Variants in VAT1L observed in about 807,000 individuals in gnomAD.
The protein encoded by VAT1L is vesicle amine transport 1 like, also known as putative NADPH-dependent quinone oxidoreductase VAT1L.
A neutral mutation model predicts 44.1 loss-of-function variants in VAT1L; 34 were observed. The observed-to-expected ratio is 0.77, with a 90% CI of 0.59 to 1.03. The LOEUF (loss-of-function observed/expected upper bound fraction) is 1.03. Among genes scored for constraint, VAT1L ranks in the 50% least tolerant of loss-of-function variants. VAT1L has a pLI of 0.00. For synonymous variants in VAT1L, 253 were observed against 202.2 expected, an observed-to-expected ratio of 1.25 and a Z score of -2.13; for missense variants, 615 against 538.8, an observed-to-expected ratio of 1.14 and a Z score of -1.40.
chr16:77,837,824 G>A (rs1353350176), intron 3 of VAT1L, among the ~76,000 whole-genome samples: 2 of 152,156 alleles, frequency 1.3e-5, no homozygotes, highest in African/African-American at 4.8e-5. Context: ...GTCTTGTAAT[G>A]GACTTAGATG....
chr16:77,828,418 C>T (rs1373092223), intron 3 of VAT1L, among the ~76,000 whole-genome samples: 1 of 152,058 alleles, frequency 6.6e-6, no homozygotes, highest in Non-Finnish European at 1.5e-5. Context: ...AATCCCAGCA[C>T]TTTGGGAGGC....
At chr16:77,898,734 T>C (rs1042362666) in intron 7 of VAT1L, among the ~76,000 whole-genome samples, 2 of 152,196 alleles carry the variant, frequency 1.3e-5, no homozygotes, top group Non-Finnish European at 2.9e-5. Flanking sequence ...CAGAGCTGGT[T>C]TCCTCCCTGA....
At chr16:77,920,221 CT>C (rs918178375) in intron 7 of VAT1L, among the ~76,000 whole-genome samples, 6 of 152,178 alleles carry the variant, frequency 3.9e-5, no homozygotes, top group African/African-American at 1.4e-4. Context: ...TCCCTGGAAA[CT>C]TTTGCTTTTC....
At chr16:77,862,663 G>A in intron 3 of VAT1L, 85 bp from the exon 4 acceptor site, 1 of 1,147,314 alleles carries the variant, frequency 8.7e-7, no homozygotes, top group African/African-American at 1.6e-5. Context: ...TAGTGCCGAT[G>A]GAGAAATCCT....
intron 7 of VAT1L, among the ~76,000 whole-genome samples, chr16:77,925,042 G>A (rs1208309304): frequency 6.6e-6 from 1 of 152,090 alleles, no homozygotes; most frequent in Non-Finnish European, 1.5e-5. Flanking sequence ...TGAGAACATG[G>A]GTGGTCCGTT....
At chr16:77,796,579 G>A (rs752015422) in intron 1 of VAT1L, among the ~76,000 whole-genome samples, 9 of 152,322 alleles carry the variant, frequency 5.9e-5, no homozygotes, top group Admixed American at 2.0e-4. Flanking sequence ...CTTTGTTAAT[G>A]ATATGCACTT....
At chr16:77,949,980 A>G (rs1468868927) in intron 7 of VAT1L, among the ~76,000 whole-genome samples, 1 of 152,136 alleles carries the variant, frequency 6.6e-6, no homozygotes, top group Non-Finnish European at 1.5e-5. Context: ...TGTACCCTTA[A>G]GTTTTCCCTC....
intron 1 of VAT1L, among the ~76,000 whole-genome samples, chr16:77,814,893 C>T (rs1009122582): frequency 3.3e-5 from 5 of 152,134 alleles, no homozygotes; most frequent in African/African-American, 9.7e-5. Context: ...GCCTTCTTAA[C>T]GGAAGATGCA....
rs550617874 is a variant in VAT1L at position 77,934,344 on chromosome 16, G to A, written c.1078-37506G>A. ...AAGATGACCCTGTTCTAATCCCTTG[G>A]ACCTGTCAATATATTACTTTGCATG... is the stretch of plus-strand genomic sequence containing the variant. On this transcript the variant is annotated intron_variant, in intron 7 of 8. Transcript: ENST00000302536. 3.3e-5 allele frequency among the ~76,000 whole-genome samples: 5 copies of A among 152,052 alleles called. No individual in the cohort carries two copies. In the South Asian group the frequency reaches 1.0e-3, roughly 32 times the overall value.
At position 77,900,253 on chromosome 16, in the gene VAT1L, A is replaced by C. The variant is rs186147568; in HGVS notation, c.1077+15451A>C. ...CCACATTCCTTATTCCGGAGATCAT[A>C]TGAGTATTTGTGTGTCTGCATATAT... is the stretch of plus-strand genomic sequence containing the variant. On this transcript the variant is annotated intron_variant, in intron 7 of 8. Coordinates refer to ENST00000302536, the MANE Select transcript of VAT1L (RefSeq NM_020927.3). Among the ~76,000 whole-genome samples the C allele has an allele frequency of 4.2e-3, 647 of 152,298 alleles. 2 individuals carry two copies. Among genetic ancestry groups the C allele is most frequent in the Non-Finnish European group, 6.5e-3 (445 of 68,038 alleles).
chr16:77,967,746 G>C (rs1382370095), intron 7 of VAT1L, among the ~76,000 whole-genome samples: 1 of 152,184 alleles, frequency 6.6e-6, no homozygotes, highest in Non-Finnish European at 1.5e-5. Flanking sequence ...TCTTACTGGA[G>C]AGGCAGCTTA....
intron 7 of VAT1L, among the ~76,000 whole-genome samples, chr16:77,940,340 GTTTTT>G (rs66546770): frequency 2.7e-5 from 3 of 112,520 alleles, no homozygotes; most frequent in African/African-American, 6.7e-5. Flanking sequence ...ATACCACTTG[GTTTTT>G]TTTTTTTTTT....
At chr16:77,810,175 G>A (rs2145226762) in intron 1 of VAT1L, among the ~76,000 whole-genome samples, 1 of 152,238 alleles carries the variant, frequency 6.6e-6, no homozygotes, top group South Asian at 2.1e-4. Flanking sequence ...CATTTAATTT[G>A]TACTCTGTCT....
intron 7 of VAT1L, among the ~76,000 whole-genome samples, chr16:77,913,537 G>A (rs1051132348): frequency 1.3e-5 from 2 of 151,534 alleles, no homozygotes; most frequent in African/African-American, 4.9e-5. Flanking sequence ...CTACTATGAT[G>A]CTTCCTTCAG....
chr16:77,955,326 G>C (rs562253859), intron 7 of VAT1L, among the ~76,000 whole-genome samples: 5 of 152,328 alleles, frequency 3.3e-5, no homozygotes, highest in East Asian at 1.9e-4. Context: ...CTAGTGAGCA[G>C]AGGCCAAGGA....
intron 1 of VAT1L, among the ~76,000 whole-genome samples, chr16:77,816,188 ACTTT>A (rs1195649629): frequency 1.3e-5 from 2 of 152,120 alleles, no homozygotes; most frequent in Non-Finnish European, 2.9e-5. Flanking sequence ...TATTTTAATA[ACTTT>A]CTTATTCCAA....
chr16:77,948,866 G>C (rs907975199), intron 7 of VAT1L, among the ~76,000 whole-genome samples: 4 of 152,130 alleles, frequency 2.6e-5, no homozygotes, highest in East Asian at 3.9e-4. Context: ...TCCTCATAGG[G>C]TTATAATGAG....
chr16:77,847,637 C>A (rs758682525), intron 3 of VAT1L, among the ~76,000 whole-genome samples: 32 of 152,194 alleles, frequency 2.1e-4, no homozygotes, highest in Non-Finnish European at 4.1e-4. Context: ...CACCCTTTCA[C>A]TGGACCATGT....
chr16:77,940,395 T>G (rs1361238297), intron 7 of VAT1L, among the ~76,000 whole-genome samples: 1 of 140,470 alleles, frequency 7.1e-6, no homozygotes, highest in Non-Finnish European at 1.5e-5. Context: ...CCAGGTTGAA[T>G]TGCAGCGGCA....
Sources: allele counts gnomAD v4.1 joint callset (sites outside exome capture counted in the v4.1 genomes callset), GRCh38; gene constraint gnomAD v4.1.1; transcripts MANE v1.5; gene names NCBI Gene and HGNC (gene_info 2026-07-23, HGNC 2026-07-21).